Variants in PKP2 observed in about 807,000 individuals in gnomAD.
PKP2 encodes the protein plakophilin 2, also known as plakophilin-2.
A neutral mutation model predicts 83.4 loss-of-function variants in PKP2; 73 were observed. The observed-to-expected ratio is 0.88, with a 90% confidence interval of 0.72 to 1.06. The LOEUF is 1.06. Among genes scored for constraint, PKP2 ranks in the 50% least tolerant of loss-of-function variants. PKP2 has a pLI of 0.00. For synonymous variants in PKP2, 409 were observed against 430.4 expected (o/e 0.95, Z 0.62); for missense variants, 966 against 1,065.4 (o/e 0.91, Z 1.30).
intron 9 of PKP2, among the ~76,000 whole-genome samples, chr12:32,817,075 A>C (rs1237500534): frequency 6.6e-6 from 1 of 152,194 alleles, no homozygotes; most frequent in Non-Finnish European, 1.5e-5. Flanking sequence ...TTTGCTGTGC[A>C]GAAGCTCTTT....
intron 1 of PKP2, 112 bp from the exon 2 acceptor site, chr12:32,879,144 G>T (rs1037598147): frequency 1.3e-5 from 9 of 716,476 alleles, no homozygotes; most frequent in Non-Finnish European, 2.3e-5. Flanking sequence ...TGAAGGCCAA[G>T]AACAAGTATT....
At position 32,841,206 on chromosome 12, in the gene PKP2, C is replaced by A. The variant is rs779082302; in HGVS notation, c.1379-1G>T. On this transcript the variant is annotated splice_acceptor_variant, in intron 5 of 12. Transcript: ENST00000340811. LOFTEE classifies it high-confidence loss of function. ...TTAGATGACAAATTCCACAGCAAAC[C>A]TAGAAAAGCACAGAGTTACCATGAA... 6.2e-7 allele frequency: 1 copy of A among 1,612,626 alleles called. No individual in the cohort carries two copies. Among genetic ancestry groups the A allele is most frequent in the Admixed American group, 1.7e-5 (1 of 60,002 alleles).
At chr12:32,795,949 G>C (rs1247035474) in intron 11 of PKP2, among the ~76,000 whole-genome samples, 160 bp downstream of exon 11, 1 of 152,188 alleles carries the variant, frequency 6.6e-6, no homozygotes, top group African/African-American at 2.4e-5. Context: ...TTCCTTGGCT[G>C]ATCACTGAGG....
At chr12:32,851,617 C>T (rs936366288) in intron 4 of PKP2, among the ~76,000 whole-genome samples, 1 of 152,052 alleles carries the variant, frequency 6.6e-6, no homozygotes, top group Non-Finnish European at 1.5e-5. Context: ...TACAGGCGCC[C>T]GCCACCACGC....
intron 10 of PKP2, 59 bp from the exon 11 acceptor site, chr12:32,796,357 G>A: frequency 7.2e-7 from 1 of 1,382,422 alleles, no homozygotes; most frequent in South Asian, 1.2e-5. Flanking sequence ...TTAATCCCAA[G>A]ATCCCAATAT....
intron 10 of PKP2, among the ~76,000 whole-genome samples, chr12:32,797,372 G>A (rs1277068744): frequency 2.8e-5 from 4 of 142,824 alleles, no homozygotes; most frequent in Non-Finnish European, 6.0e-5. Context: ...CTTGAGCTTG[G>A]GAGGCAGAAG....
At chr12:32,881,450 T>C (rs1205403030) in intron 1 of PKP2, among the ~76,000 whole-genome samples, 2 of 152,160 alleles carry the variant, frequency 1.3e-5, no homozygotes, top group African/African-American at 4.8e-5. Flanking sequence ...TTATTAGAGA[T>C]GGAGTCTCGC....
chr12:32,863,345 G>A (rs151216566), intron 4 of PKP2: 31 of 260,310 alleles, frequency 1.2e-4, no homozygotes, highest in African/African-American at 7.1e-4. Context: ...CATGAACACA[G>A]TGGCATGGTT....
rs529644235 is a variant in PKP2, at chr12:32,792,024, T to C, written c.*400A>G. 12 of 313,574 alleles carry C rather than the reference T, an allele frequency of 3.8e-5. No individual in the cohort carries two copies. The highest frequency in any genetic ancestry group is 3.5e-4 in the South Asian group (12 of 33,946). 19.4% of individuals were successfully genotyped at this position (313,574 alleles called of 1,614,324 possible). A position where few individuals can be genotyped will look rare whatever the true frequency, so the allele number is the denominator to read the frequency against. On this transcript the variant is annotated 3_prime_UTR_variant, in exon 13 of 13. Transcript: ENST00000340811. ...CTGGAGGCCCAATGGCGAAGCAATGTGCACATGAGTGACAAAACATGGGAA... is the reference window on the plus strand; with the variant it reads ...CTGGAGGCCCAATGGCGAAGCAATGCGCACATGAGTGACAAAACATGGGAA...
chr12:32,822,691 A>G (rs929483387), intron 7 of PKP2, 60 bp from the exon 8 acceptor site: 3 of 1,558,490 alleles, frequency 1.9e-6, no homozygotes, highest in African/African-American at 1.4e-5. Context: ...CAGGTGTGAT[A>G]TCACAGGACA....
chr12:32,866,550 CAAAAAAA>C (rs56079220), intron 4 of PKP2, among the ~76,000 whole-genome samples: 4 of 36,178 alleles, frequency 1.1e-4, no homozygotes, highest in East Asian at 1.0e-3. Context: ...GATCCTTTCT[CAAAAAAA>C]AAAAAAAAAA....
At chr12:32,841,004 A>G in intron 6 of PKP2, 24 bp downstream of exon 6, 1 of 1,593,592 alleles carries the variant, frequency 6.3e-7, no homozygotes, top group South Asian at 1.1e-5. Flanking sequence ...ATCTTCTATC[A>G]GGGCAGGGTA....
chr12:32,797,170 T>A (rs1956133578), intron 10 of PKP2, among the ~76,000 whole-genome samples: 2 of 152,070 alleles, frequency 1.3e-5, no homozygotes, highest in African/African-American at 2.4e-5. Context: ...CCAGGTTCGG[T>A]GGCTCACACC....
At chr12:32,896,453 G>A in intron 1 of PKP2, 56 bp downstream of exon 1, 4 of 1,299,002 alleles carry the variant, frequency 3.1e-6, no homozygotes, top group Non-Finnish European at 3.1e-6. Context: ...GGGATAGGAG[G>A]AGGTGACCGG....
rs150908467 is a variant in PKP2 at position 32,884,545 on chromosome 12, T to G, written c.224-5513A>C. 8.4e-3 allele frequency among the ~76,000 whole-genome samples: 1,284 copies of G among 152,284 alleles called. 22 individuals carry two copies. Among genetic ancestry groups the G allele is most frequent in the African/African-American group, 0.028 (1,169 of 41,562 alleles). On this transcript the variant is annotated intron_variant, in intron 1 of 12. Coordinates refer to ENST00000340811, the MANE Select transcript of PKP2 (RefSeq NM_001005242.3). ...CACATAAAACTTATATTAAACAAAT[T>G]TGTTATGCTTTTCTCTTTTTAATCT...
intron 11 of PKP2, among the ~76,000 whole-genome samples, chr12:32,794,708 G>A (rs1351820617): frequency 6.6e-6 from 1 of 152,084 alleles, no homozygotes; most frequent in Non-Finnish European, 1.5e-5. Context: ...TTTCTGTTTT[G>A]CAACAGTAAT....
At chr12:32,807,817 G>A (rs752126370) in intron 9 of PKP2, among the ~76,000 whole-genome samples, 1 of 152,134 alleles carries the variant, frequency 6.6e-6, no homozygotes, top group Non-Finnish European at 1.5e-5. Flanking sequence ...GAAATTCTGG[G>A]TTGGAAATTC....
At chr12:32,835,254 C>T (rs1956534692) in intron 6 of PKP2, among the ~76,000 whole-genome samples, 2 of 152,058 alleles carry the variant, frequency 1.3e-5, no homozygotes, top group Middle Eastern at 3.4e-3. Flanking sequence ...GAGGTTTCAC[C>T]ATGTTGGGCA....
chr12:32,877,859 C>A lies in PKP2; in HGVS notation c.1021G>T (p.Asp341Tyr). The change falls in exon 3 of 13, where the codon GAC (aspartate) becomes TAC (tyrosine). Residue 341 changes from aspartate to tyrosine, a missense_variant. Physicochemically the swap from Asp to Tyr is radical, Grantham distance 160. Transcript: ENST00000340811. ...GAGGGGACTTACCCCAGCTGGGAGT[C>A]AGTGAAAGTGCTTCTCTCAGTGAGC... ...NLLTERSTFT[D>Y]SQLGNADMEM... The A allele has an allele frequency of 1.2e-6, 2 of 1,612,766 alleles. No homozygotes were observed. The highest frequency in any genetic ancestry group is 1.1e-5 in the South Asian group (1 of 91,026).
Sources: allele counts gnomAD v4.1 joint callset (sites outside exome capture counted in the v4.1 genomes callset), GRCh38; gene constraint gnomAD v4.1.1; transcripts MANE v1.5; gene names NCBI Gene and HGNC (gene_info 2026-07-23, HGNC 2026-07-21).